FAM13C: variants seen among roughly 807,000 people sequenced by gnomAD.
FAM13C encodes family with sequence similarity 13 member C, also known as protein FAM13C.
FAM13C carries 37 observed loss-of-function variants against 73.2 expected under a neutral mutation model. That is an observed-to-expected ratio of 0.51 (90% CI 0.39 to 0.67). The LOEUF is 0.67. FAM13C is among the 30% of genes least tolerant of loss of function. The pLI, the probability that FAM13C is intolerant of heterozygous loss-of-function variation, is 0.00. For missense variants in FAM13C, 589 were observed against 715.6 expected (o/e 0.82, Z 2.02); for synonymous variants, 246 against 260.9 (o/e 0.94, Z 0.55).
At chr10:59,297,251 C>G (rs1564542846) in intron 5 of FAM13C, 1 of 152,194 alleles carries the variant, frequency 6.6e-6, no homozygotes, top group Non-Finnish European at 1.5e-5. Context: ...GTTTTAGGTT[C>G]TGCTAGTTAC....
At chr10:59,339,586 A>G (rs1011106206) in intron 3 of FAM13C, among the ~76,000 whole-genome samples, 72 of 152,152 alleles carry the variant, frequency 4.7e-4, no homozygotes, top group African/African-American at 1.9e-4. Flanking sequence ...GAATTCCACT[A>G]TCACTCATGT....
intron 3 of FAM13C, among the ~76,000 whole-genome samples, chr10:59,350,771 A>G (rs1854934106): frequency 6.6e-6 from 1 of 152,242 alleles, no homozygotes; most frequent in Non-Finnish European, 1.5e-5. Flanking sequence ...AAACCTGCCC[A>G]GCCAAAGTTG....
chr10:59,285,674 C>A (rs1845469572), intron 5 of FAM13C, among the ~76,000 whole-genome samples: 1 of 152,114 alleles, frequency 6.6e-6, no homozygotes, highest in South Asian at 2.1e-4. Flanking sequence ...CTCACAATAA[C>A]CAAGAGTTAT....
At chr10:59,263,963 C>A in intron 9 of FAM13C, 122 bp downstream of exon 9, 2 of 882,726 alleles carry the variant, frequency 2.3e-6, no homozygotes, top group Non-Finnish European at 3.8e-6. Flanking sequence ...GAGTTACAGT[C>A]TAAGCAGAAA....
At chr10:59,327,867 G>A (rs956338322) in intron 3 of FAM13C, among the ~76,000 whole-genome samples, 6 of 152,142 alleles carry the variant, frequency 3.9e-5, no homozygotes, top group Non-Finnish European at 8.8e-5. Flanking sequence ...AAGGGTAAGA[G>A]AGCAGATTCT....
chr10:59,311,645 AG>A lies in FAM13C; in HGVS notation c.444-8782del, dbSNP rs1353050206. 2.0e-5 allele frequency among the ~76,000 whole-genome samples: 3 copies of A among 152,218 alleles called. No homozygotes were observed. The East Asian group carries it at 5.8e-4, about 29-fold the overall frequency. On this transcript the variant is annotated intron_variant, in intron 4 of 13. Coordinates refer to ENST00000618804, the MANE Select transcript of FAM13C (RefSeq NM_198215.4). ...AAGTTTCTTCATTCTTCTGCCTCAA[AG>A]TTTTTTGCCAGACAGGGCTCATTCC...
At chr10:59,265,872 A>C (rs989713262) in intron 8 of FAM13C, among the ~76,000 whole-genome samples, 1 of 152,212 alleles carries the variant, frequency 6.6e-6, no homozygotes, top group African/African-American at 2.4e-5. Context: ...CAAGCTGTAG[A>C]TCTTCAAGAC....
At position 59,254,415 on chromosome 10, in the gene FAM13C, T is replaced by C. The variant is rs748734946; in HGVS notation, c.1265A>G (p.Lys422Arg). ...KVTKQDKNLI[K>R]PLYDRYRIIK... Reference sequence around the variant, plus strand: ...AATTCTGTATCGGTCATAAAGCGGCTTTATGAGGTTCTTGTCTTGCTTAGT... The same window carrying C: ...AATTCTGTATCGGTCATAAAGCGGCCTTATGAGGTTCTTGTCTTGCTTAGT... Residue 422 changes from lysine to arginine, a missense_variant, in exon 11 of 14, where the codon AAG (lysine) becomes AGG (arginine). Lys to Arg is a conservative substitution (Grantham distance 26, BLOSUM62 2). Transcript: ENST00000618804. 3 of 1,552,402 alleles carry C rather than the reference T, an allele frequency of 1.9e-6. No homozygotes were observed. The South Asian group carries it at 3.7e-5, about 19-fold the overall frequency.
At chr10:59,276,540 G>A (rs1402720886) in intron 6 of FAM13C, among the ~76,000 whole-genome samples, 1 of 152,156 alleles carries the variant, frequency 6.6e-6, no homozygotes, top group Non-Finnish European at 1.5e-5. Context: ...AGGAGGATGA[G>A]AGAGTAAATA....
intron 4 of FAM13C, among the ~76,000 whole-genome samples, chr10:59,321,102 G>T (rs1050855182): frequency 6.6e-6 from 1 of 152,190 alleles, no homozygotes; most frequent in Non-Finnish European, 1.5e-5. Context: ...AGATGTCCAT[G>T]TCTTCATCAT....
At chr10:59,325,660 C>T (rs1851007803) in intron 3 of FAM13C, among the ~76,000 whole-genome samples, 1 of 152,096 alleles carries the variant, frequency 6.6e-6, no homozygotes, top group Non-Finnish European at 1.5e-5. Context: ...GTTATCTGGG[C>T]TCAGTTTCCT....
chr10:59,280,257 T>C (rs1419171124), intron 6 of FAM13C, among the ~76,000 whole-genome samples: 1 of 152,196 alleles, frequency 6.6e-6, no homozygotes, highest in Non-Finnish European at 1.5e-5. Flanking sequence ...ACCAATCCAG[T>C]TGGTTACCCT....
intron 13 of FAM13C, 46 bp downstream of exon 13, chr10:59,251,529 T>C: frequency 6.5e-7 from 1 of 1,534,498 alleles, no homozygotes; most frequent in East Asian, 2.2e-5. Context: ...TTAACAGCAA[T>C]TCTCTAGGAA....
chr10:59,306,397 C>T (rs1848255573), intron 4 of FAM13C, among the ~76,000 whole-genome samples: 1 of 152,182 alleles, frequency 6.6e-6, no homozygotes, highest in African/African-American at 2.4e-5. Context: ...CTTTAATTTA[C>T]TAACCATCTG....
At chr10:59,291,474 C>T (rs1354104921) in intron 5 of FAM13C, among the ~76,000 whole-genome samples, 1 of 152,198 alleles carries the variant, frequency 6.6e-6, no homozygotes, top group African/African-American at 2.4e-5. Flanking sequence ...GCTCAGCCCT[C>T]ACTCTCCGCC....
intron 4 of FAM13C, among the ~76,000 whole-genome samples, chr10:59,319,751 A>G (rs1564577052): frequency 6.6e-6 from 1 of 152,242 alleles, no homozygotes; most frequent in Non-Finnish European, 1.5e-5. Context: ...AGATAGTTGT[A>G]TTAAATGATT....
chr10:59,278,498 T>C (rs1468606889), intron 6 of FAM13C, among the ~76,000 whole-genome samples: 1 of 152,158 alleles, frequency 6.6e-6, no homozygotes, highest in African/African-American at 2.4e-5. Context: ...CATTCAGCAC[T>C]ATTGAACCAG....
At chr10:59,333,582 T>G (rs567321288) in intron 3 of FAM13C, among the ~76,000 whole-genome samples, 9 of 152,330 alleles carry the variant, frequency 5.9e-5, no homozygotes, top group South Asian at 2.1e-4. Context: ...ATTCCTTTTT[T>G]GGGGGCTGAG....
intron 5 of FAM13C, among the ~76,000 whole-genome samples, chr10:59,297,695 A>T (rs767232945): frequency 1.5e-4 from 23 of 152,168 alleles, no homozygotes; most frequent in Non-Finnish European, 2.9e-4. Context: ...AATAAACTTC[A>T]AGGATCTCAA....
Sources: allele counts gnomAD v4.1 joint callset (sites outside exome capture counted in the v4.1 genomes callset), GRCh38; gene constraint gnomAD v4.1.1; transcripts MANE v1.5; gene names NCBI Gene and HGNC (gene_info 2026-07-23, HGNC 2026-07-21).